Variants in LHCGR observed in about 807,000 individuals in gnomAD.
LHCGR encodes luteinizing hormone/choriogonadotropin receptor.
Under a neutral mutation model 60.7 loss-of-function variants are expected in LHCGR, and 55 were observed. That is an observed-to-expected ratio of 0.91 (90% CI 0.73 to 1.13). The LOEUF (loss-of-function observed/expected upper bound fraction) is 1.13, where lower values mean the gene tolerates loss of function less well. Among genes scored for constraint, LHCGR ranks in the 50% most tolerant of loss-of-function variants. The pLI, the probability that LHCGR is intolerant of heterozygous loss-of-function variation, is 0.00. For missense variants in LHCGR, 862 were observed against 836.0 expected (o/e 1.03, Z -0.38); for synonymous variants, 337 against 316.5 (o/e 1.06, Z -0.69).
At chr2:48,715,845 C>G (rs547592463) in intron 6 of LHCGR, among the ~76,000 whole-genome samples, 2 of 152,130 alleles carry the variant, frequency 1.3e-5, no homozygotes, top group Non-Finnish European at 2.9e-5. Context: ...TAAGTCTCCT[C>G]GTTAGAGTCA....
At chr2:48,691,375 G>A (rs1666812238) in intron 10 of LHCGR, among the ~76,000 whole-genome samples, 1 of 152,150 alleles carries the variant, frequency 6.6e-6, no homozygotes, top group African/African-American at 2.4e-5. Context: ...CTGCTGCTAT[G>A]TACAGAAGAC....
intron 10 of LHCGR, among the ~76,000 whole-genome samples, chr2:48,691,474 T>C (rs1257854265): frequency 2.0e-5 from 3 of 152,206 alleles, no homozygotes; most frequent in Non-Finnish European, 4.4e-5. Flanking sequence ...AATATAATTA[T>C]CATTTTTTAA....
intron 7 of LHCGR, among the ~76,000 whole-genome samples, chr2:48,712,163 G>A (rs754444549): frequency 1.3e-5 from 2 of 151,846 alleles, no homozygotes; most frequent in African/African-American, 2.4e-5. Flanking sequence ...TTCTTTTCCT[G>A]CTGCCTTTGA....
chr2:48,694,388 A>G (rs1476255713), intron 9 of LHCGR, 84 bp from the exon 10 acceptor site: 3 of 830,074 alleles, frequency 3.6e-6, no homozygotes, highest in African/African-American at 1.7e-5. Context: ...TGCTTTGTTC[A>G]TGCAAATTCT....
intron 1 of LHCGR, among the ~76,000 whole-genome samples, chr2:48,734,174 C>G (rs994598827): frequency 6.6e-6 from 1 of 152,104 alleles, no homozygotes; most frequent in African/African-American, 2.4e-5. Flanking sequence ...AATAGGAGAG[C>G]CTGTAGAAGT....
intron 8 of LHCGR, among the ~76,000 whole-genome samples, chr2:48,700,731 A>G (rs539491617): frequency 6.6e-4 from 100 of 152,344 alleles, no homozygotes; most frequent in Admixed American, 3.9e-3. Context: ...TGAGACATGC[A>G]GAAAAAGACC....
chr2:48,735,485 T>C (rs58998849), intron 1 of LHCGR, among the ~76,000 whole-genome samples: 7,904 of 152,294 alleles, frequency 0.052, 217 homozygotes, highest in Middle Eastern at 0.12. Context: ...TCCTGCCTTC[T>C]CTTTTTCTCA....
At chr2:48,734,185 G>T (rs1669121475) in intron 1 of LHCGR, among the ~76,000 whole-genome samples, 1 of 152,212 alleles carries the variant, frequency 6.6e-6, no homozygotes, top group South Asian at 2.1e-4. Context: ...CTGTAGAAGT[G>T]AGAGTCTAAA....
intron 6 of LHCGR, among the ~76,000 whole-genome samples, chr2:48,723,059 C>T (rs1398302004): frequency 1.3e-5 from 2 of 152,198 alleles, no homozygotes; most frequent in African/African-American, 4.8e-5. Flanking sequence ...AACTACTTTT[C>T]CTACTTGGAG....
chr2:48,752,999 G>A (rs998590110), intron 1 of LHCGR, among the ~76,000 whole-genome samples: 1 of 116,580 alleles, frequency 8.6e-6, no homozygotes, highest in East Asian at 3.0e-4. Flanking sequence ...GGGGGGGGTG[G>A]GGAAGGGAAG....
At chr2:48,738,047 TA>T (rs758093371) in intron 1 of LHCGR, among the ~76,000 whole-genome samples, 2 of 152,214 alleles carry the variant, frequency 1.3e-5, no homozygotes, top group Non-Finnish European at 1.5e-5. Context: ...TACACTCTAC[TA>T]CATGATCCTC....
intron 9 of LHCGR, among the ~76,000 whole-genome samples, chr2:48,697,585 A>T (rs1215002210): frequency 6.6e-6 from 1 of 152,210 alleles, no homozygotes; most frequent in Non-Finnish European, 1.5e-5. Flanking sequence ...AACCTCCTAT[A>T]TGCAAGGTAC....
intron 10 of LHCGR, among the ~76,000 whole-genome samples, chr2:48,692,532 G>C (rs1293628372): frequency 1.3e-5 from 2 of 152,182 alleles, no homozygotes; most frequent in African/African-American, 4.8e-5. Context: ...CATGCTTATT[G>C]ACAAAGCCCA....
intron 8 of LHCGR, among the ~76,000 whole-genome samples, chr2:48,707,875 A>G (rs1667773390): frequency 6.6e-6 from 1 of 152,190 alleles, no homozygotes; most frequent in Non-Finnish European, 1.5e-5. Context: ...TGTGAAGACC[A>G]TGGGAAAAGC....
chr2:48,741,184 G>C (rs1408393743), intron 1 of LHCGR, among the ~76,000 whole-genome samples: 1 of 152,140 alleles, frequency 6.6e-6, no homozygotes, highest in African/African-American at 2.4e-5. Flanking sequence ...AGAAATATGG[G>C]ACTATGTGAA....
chr2:48,708,878 G>T (rs1667834384), intron 8 of LHCGR, 70 bp downstream of exon 8: 15 of 1,173,644 alleles, frequency 1.3e-5, no homozygotes, highest in Non-Finnish European at 1.4e-5. Context: ...GGGATGATGT[G>T]GAGGGACACC....
intron 10 of LHCGR, among the ~76,000 whole-genome samples, chr2:48,693,343 G>T (rs1217824360): frequency 6.6e-6 from 1 of 152,182 alleles, no homozygotes; most frequent in African/African-American, 2.4e-5. Context: ...GAGGAGAAAG[G>T]TCTCAAAAGG....
chr2:48,754,288 C>G (rs1248099549), intron 1 of LHCGR, among the ~76,000 whole-genome samples: 2 of 152,172 alleles, frequency 1.3e-5, no homozygotes, highest in Non-Finnish European at 2.9e-5. Context: ...GGGTGAGTCT[C>G]CTCTATGAAA....
In LHCGR at chr2:48,716,067, T is replaced by C. The variant is rs1668235281; in HGVS notation, c.537-2013A>G. Among the ~76,000 whole-genome samples the C allele has an allele frequency of 2.0e-5, 3 of 152,276 alleles. No individual in the cohort carries two copies. The South Asian group carries it at 6.2e-4, about 32-fold the overall frequency. On this transcript the variant is annotated intron_variant, in intron 6 of 10. Transcript: ENST00000294954. Reference sequence around the variant, plus strand: ...AGCTTCACATACTAGCTCTCCCATATTGGATTACTGGATGCCACTTTCAAT... The same window carrying C: ...AGCTTCACATACTAGCTCTCCCATACTGGATTACTGGATGCCACTTTCAAT...
Sources: allele counts gnomAD v4.1 joint callset (sites outside exome capture counted in the v4.1 genomes callset), GRCh38; gene constraint gnomAD v4.1.1; transcripts MANE v1.5; gene names NCBI Gene and HGNC (gene_info 2026-07-23, HGNC 2026-07-21).